Variants in TRPC4 observed in about 807,000 individuals in gnomAD.
The protein encoded by TRPC4 is transient receptor potential cation channel subfamily C member 4.
TRPC4 carries 49 observed loss-of-function variants against 99.4 expected under a neutral mutation model. That is an observed-to-expected ratio of 0.49 (90% CI 0.39 to 0.63). The LOEUF is 0.63. Among genes scored for constraint, TRPC4 ranks in the 20% least tolerant of loss-of-function variants. The probability of loss-of-function intolerance (pLI) is 0.00; values close to 1 mark genes in which losing one functional copy is unlikely to be tolerated. For synonymous variants in TRPC4, 454 were observed against 425.9 expected (o/e 1.07, Z -0.81); for missense variants, 898 against 1,152.9 (o/e 0.78, Z 3.20).
At chr13:37,637,773 T>C (rs1189758376) in intron 10 of TRPC4, 148 bp from the exon 11 acceptor site, 10 of 777,750 alleles carry the variant, frequency 1.3e-5, no homozygotes, top group Non-Finnish European at 2.0e-6. Flanking sequence ...GAATTCCCAG[T>C]TCTCTCACGG....
At chr13:37,744,134 T>A (rs1464947660) in intron 3 of TRPC4, among the ~76,000 whole-genome samples, 2 of 152,160 alleles carry the variant, frequency 1.3e-5, no homozygotes, top group Middle Eastern at 3.2e-3. Flanking sequence ...ATCTTTGCAA[T>A]CATCGTGTCG....
At chr13:37,638,000 T>C (rs1288663643) in intron 10 of TRPC4, among the ~76,000 whole-genome samples, 1 of 152,142 alleles carries the variant, frequency 6.6e-6, no homozygotes, top group African/African-American at 2.4e-5. Flanking sequence ...TTTTTAATAT[T>C]GGCCCATTTT....
Position 37,701,349 on chromosome 13 carries a change from G to A in TRPC4, c.898-9014C>T, listed in dbSNP as rs191391947. On this transcript the variant is annotated intron_variant, in intron 3 of 10. Transcript: ENST00000379705. ...TCAAACATCTGGGATGTTCCTCCCC[G>A]GCTGCACCATCTCTCCAGCTCCTCT... 9.9e-5 allele frequency among the ~76,000 whole-genome samples: 15 copies of A among 152,030 alleles called. 1 individual carries two copies. The highest frequency in any genetic ancestry group is 2.6e-4 in the Admixed American group (4 of 15,246).
intron 1 of TRPC4, among the ~76,000 whole-genome samples, chr13:37,860,729 G>T (rs761856458): frequency 1.3e-5 from 2 of 151,434 alleles, no homozygotes; most frequent in South Asian, 2.1e-4. Context: ...TATGGTTGAG[G>T]CAGCAGGGAA....
chr13:37,661,732 G>T (rs1161156815), intron 6 of TRPC4, among the ~76,000 whole-genome samples: 1 of 152,098 alleles, frequency 6.6e-6, no homozygotes. Context: ...GAGGTTGGTG[G>T]GGTCTGACCA....
intron 1 of TRPC4, among the ~76,000 whole-genome samples, chr13:37,812,788 C>T (rs1349950737): frequency 6.6e-6 from 1 of 151,926 alleles, no homozygotes; most frequent in African/African-American, 2.4e-5. Context: ...GCACGAGAAA[C>T]ATAAAGAAAA....
At chr13:37,731,118 C>A (rs1593608516) in intron 3 of TRPC4, among the ~76,000 whole-genome samples, 1 of 151,724 alleles carries the variant, frequency 6.6e-6, no homozygotes, top group East Asian at 1.9e-4. Flanking sequence ...AGATTTTTAG[C>A]CAAATGATTT....
intron 2 of TRPC4, among the ~76,000 whole-genome samples, chr13:37,772,840 T>G (rs1424162602): frequency 6.6e-6 from 1 of 151,790 alleles, no homozygotes; most frequent in East Asian, 1.9e-4. Flanking sequence ...GTCAACTTGC[T>G]GCATCAGGCC....
chr13:37,815,079 A>G (rs1957811323), intron 1 of TRPC4, among the ~76,000 whole-genome samples: 1 of 151,834 alleles, frequency 6.6e-6, no homozygotes, highest in African/African-American at 2.4e-5. Context: ...ATTTAATGGA[A>G]AAAAGATCTT....
chr13:37,640,497 A>G (rs1483318890), intron 8 of TRPC4, among the ~76,000 whole-genome samples: 1 of 152,220 alleles, frequency 6.6e-6, no homozygotes, highest in Non-Finnish European at 1.5e-5. Context: ...AGGTTCCTAA[A>G]GGTCACTAAT....
At chr13:37,778,166 T>C (rs1450743263) in intron 2 of TRPC4, among the ~76,000 whole-genome samples, 4 of 152,080 alleles carry the variant, frequency 2.6e-5, no homozygotes, top group African/African-American at 9.7e-5. Flanking sequence ...CCCATTCAAA[T>C]CGATGCAGTG....
chr13:37,793,052 A>G (rs1358459185), intron 1 of TRPC4, among the ~76,000 whole-genome samples: 1 of 152,172 alleles, frequency 6.6e-6, no homozygotes, highest in Non-Finnish European at 1.5e-5. Context: ...GTGACAAATT[A>G]GAGTCAGGAA....
At chr13:37,841,296 T>C (rs562811356) in intron 1 of TRPC4, among the ~76,000 whole-genome samples, 4 of 152,056 alleles carry the variant, frequency 2.6e-5, no homozygotes, top group African/African-American at 7.2e-5. Context: ...CTATAAGCAA[T>C]TAATGAAGCA....
At chr13:37,770,020 A>G (rs1407218974) in intron 2 of TRPC4, among the ~76,000 whole-genome samples, 1 of 151,522 alleles carries the variant, frequency 6.6e-6, no homozygotes, top group Non-Finnish European at 1.5e-5. Flanking sequence ...ATTTGAATCC[A>G]TATTTTTCTA....
At chr13:37,846,957 C>A (rs1958923257) in intron 1 of TRPC4, among the ~76,000 whole-genome samples, 1 of 151,406 alleles carries the variant, frequency 6.6e-6, no homozygotes, top group South Asian at 2.1e-4. Context: ...TTTTAAAAGA[C>A]AAAAAGGTTA....
rs954226597 is a variant in TRPC4 at position 37,651,265 on chromosome 13, C to A, written c.2079G>T (p.Gly693=). The A allele has an allele frequency of 6.2e-7, 1 of 1,613,824 alleles. No homozygotes were observed. The highest frequency in any genetic ancestry group is 8.5e-7 in the Non-Finnish European group (1 of 1,179,920). ...RRKPESFGTI[G]RRAADNLRRH... ...TAATACTAACATGCTGTGTTCTTAC[C>A]CCTATTGTTCCAAAACTTTCTGGCT... The change falls in exon 8 of 11, where the codon GGG becomes GGT. Residue 693 remains glycine (G), a splice_region_variant and synonymous_variant. Transcript: ENST00000379705.
At chr13:37,745,804 G>C (rs1395664576) in intron 3 of TRPC4, 133 bp downstream of exon 3, 2 of 956,690 alleles carry the variant, frequency 2.1e-6, no homozygotes, top group African/African-American at 3.3e-5. Context: ...TAATCCGGTA[G>C]ACAATAAATG....
chr13:37,694,934 C>T lies in TRPC4; in HGVS notation c.898-2599G>A, dbSNP rs555300646. Among the ~76,000 whole-genome samples the T allele has an allele frequency of 2.6e-5, 4 of 152,272 alleles. No individual in the cohort carries two copies. The South Asian group carries it at 8.3e-4, about 32-fold the overall frequency. ...CTCGTGGTAATTTCATGTCTCCTTT[C>T]GACCAAACATGCTCTTTACTTGTCT... On this transcript the variant is annotated intron_variant, in intron 3 of 10. Coordinates refer to ENST00000379705, the MANE Select transcript of TRPC4 (RefSeq NM_016179.4).
intron 1 of TRPC4, among the ~76,000 whole-genome samples, chr13:37,802,211 A>G (rs1168697239): frequency 1.3e-5 from 2 of 152,128 alleles, no homozygotes; most frequent in Non-Finnish European, 2.9e-5. Context: ...AGTATCTTAC[A>G]TAAACATGTT....
Sources: gnomAD v4.1 joint callset for allele counts (sites outside exome capture counted in the v4.1 genomes callset) on GRCh38, gnomAD v4.1.1 for gene constraint, MANE v1.5 for transcripts, NCBI Gene and HGNC (gene_info 2026-07-23, HGNC 2026-07-21) for gene names.